Variants in TLN1 observed in about 807,000 individuals in gnomAD.
The protein encoded by TLN1 is talin 1, also known as talin-1.
Under a neutral mutation model 292.3 loss-of-function variants are expected in TLN1, and 56 were observed. The observed-to-expected ratio is 0.19, with a 90% CI of 0.15 to 0.24. TLN1 has a LOEUF of 0.24. TLN1 is among the 10% of genes least tolerant of loss of function. The pLI is 1.00. For missense variants in TLN1, 2,433 were observed against 3,248.2 expected, an observed-to-expected ratio of 0.75 and a Z score of 6.10; for synonymous variants, 1,119 against 1,253.7, an observed-to-expected ratio of 0.89 and a Z score of 2.27.
chr9:35,711,223 G>A, intron 30 of TLN1, 32 bp downstream of exon 30: 1 of 1,613,820 alleles, frequency 6.2e-7, no homozygotes, highest in Non-Finnish European at 8.5e-7. Context: ...CTCTCACACA[G>A]TCCAGGGCTG....
chr9:35,724,791 T>C lies in TLN1; in HGVS notation c.358+39A>G, dbSNP rs371431195. The C allele has an allele frequency of 3.7e-6, 6 of 1,613,596 alleles. No individual in the cohort carries two copies. In the African/African-American group the frequency reaches 6.7e-5, roughly 18 times the overall value. On this transcript the variant is annotated intron_variant, in intron 4 of 56. Coordinates refer to ENST00000314888, the MANE Select transcript of TLN1 (RefSeq NM_006289.4). This position sits in a 1 kb window ranked among gnomAD's most constrained non-coding sequence, Gnocchi z 4.7. Reference sequence around the variant, plus strand: ...CCATGCCTTTTGAGAGAGTTGAGGCTTTCTGGCCCAGGCTTTCAACTGTAC... The same window carrying C: ...CCATGCCTTTTGAGAGAGTTGAGGCCTTCTGGCCCAGGCTTTCAACTGTAC...
At chr9:35,725,529 G>A in intron 2 of TLN1, 36 bp downstream of exon 2, 1 of 1,604,408 alleles carries the variant, frequency 6.2e-7, no homozygotes, top group Non-Finnish European at 8.5e-7. Flanking sequence ...AGGGACTGAA[G>A]ACTCCCACTC....
intron 33 of TLN1, among the ~76,000 whole-genome samples, chr9:35,709,244 G>A (rs1825617770): frequency 6.6e-6 from 1 of 151,938 alleles, no homozygotes. Context: ...GCAGTGAGCC[G>A]AGATTATGCC....
intron 1 of TLN1, among the ~76,000 whole-genome samples, chr9:35,730,435 G>A (rs924835155): frequency 1.3e-5 from 2 of 151,950 alleles, no homozygotes; most frequent in African/African-American, 2.4e-5. Context: ...GGGGAGTGGG[G>A]GAAGGGGATC....
chr9:35,713,863 A>T (rs1398190675), intron 25 of TLN1, 90 bp downstream of exon 25: 57 of 1,375,132 alleles, frequency 4.1e-5, no homozygotes, highest in Non-Finnish European at 5.5e-5. Context: ...AAGAAAAAGG[A>T]AGGAAGGAAA....
In TLN1 at chr9:35,704,533, G is replaced by T. The variant is rs753533487; in HGVS notation, c.5881-35C>A. 1.9e-6 allele frequency: 3 copies of T among 1,586,972 alleles called. No homozygotes were observed. Among genetic ancestry groups the T allele is most frequent in the African/African-American group, 2.7e-5 (2 of 74,644 alleles). On this transcript the variant is annotated intron_variant, in intron 44 of 56. Transcript: ENST00000314888. This position sits in a 1 kb window ranked among gnomAD's most constrained non-coding sequence, Gnocchi z 6.9. ...GAATGTCACATGGTGACTGTGGAAG[G>T]TGCCATGTGAAATGGAAAGGTTGCC...
chr9:35,714,705 A>T lies in TLN1; in HGVS notation c.2872-18T>A. On this transcript the variant is annotated intron_variant, in intron 22 of 56. Coordinates refer to ENST00000314888, the MANE Select transcript of TLN1 (RefSeq NM_006289.4). The surrounding 1 kb of genome is among the most constrained non-coding windows in gnomAD (Gnocchi z 4.6). ...GCCACTGCCTGTAGGTGAAAATGTC[A>T]TAAGAGACCCACAAGTCTCCCTCTT... The T allele has an allele frequency of 1.2e-6, 2 of 1,613,644 alleles. No homozygotes were observed. Among genetic ancestry groups the T allele is most frequent in the Non-Finnish European group, 1.7e-6 (2 of 1,179,656 alleles).
At chr9:35,726,998 T>C (rs1007234221) in intron 1 of TLN1, among the ~76,000 whole-genome samples, 21 of 152,300 alleles carry the variant, frequency 1.4e-4, no homozygotes, top group Admixed American at 6.5e-5. Flanking sequence ...CCTGACTGTA[T>C]TTTCAGTGCA....
Position 35,699,488 on chromosome 9 carries a change from A to G in TLN1, c.6769-27T>C. 6.2e-7 allele frequency: 1 copy of G among 1,600,960 alleles called. No individual in the cohort carries two copies. Among genetic ancestry groups the G allele is most frequent in the Non-Finnish European group, 8.5e-7 (1 of 1,172,988 alleles). ...TGGGCAAGAAGCGGGCAGGGGACAA[A>G]GAGCATCACATCTTAGGGTCTACCC... On this transcript the variant is annotated intron_variant, in intron 50 of 56. Coordinates refer to ENST00000314888, the MANE Select transcript of TLN1 (RefSeq NM_006289.4). The surrounding 1 kb of genome is among the most constrained non-coding windows in gnomAD (Gnocchi z 4.0).
intron 10 of TLN1, 147 bp from the exon 11 acceptor site, chr9:35,721,060 C>T: frequency 1.7e-6 from 1 of 597,084 alleles, no homozygotes; most frequent in Non-Finnish European, 3.0e-6. Flanking sequence ...CTTGAACCTC[C>T]TCTTTATTTT....
Position 35,725,136 on chromosome 9 carries a change from C to T in TLN1, c.228+88G>A, listed in dbSNP as rs886180657. The T allele has an allele frequency of 2.6e-6, 4 of 1,546,280 alleles. No individual in the cohort carries two copies. The African/African-American group carries it at 4.1e-5, about 16-fold the overall frequency. Reference sequence around the variant, plus strand: ...AGAAAGCATGGGGAGGGCTAAGAGACAACAGATGTGGGTGCTGAAAACAGG... The same window carrying T: ...AGAAAGCATGGGGAGGGCTAAGAGATAACAGATGTGGGTGCTGAAAACAGG... On this transcript the variant is annotated intron_variant, in intron 3 of 56. Transcript: ENST00000314888.
chr9:35,718,666 G>C, intron 17 of TLN1, 146 bp downstream of exon 17: 1 of 664,422 alleles, frequency 1.5e-6, no homozygotes, highest in South Asian at 1.9e-5. Flanking sequence ...AGAGAGATCA[G>C]AAGTTACTAG....
At position 35,710,495 on chromosome 9, in the gene TLN1, C is replaced by A. The variant is rs568176651; in HGVS notation, c.4326+66G>T. The A allele has an allele frequency of 4.1e-5, 65 of 1,570,522 alleles. No homozygotes were observed. In the Admixed American group the frequency reaches 4.6e-4, roughly 11 times the overall value. On this transcript the variant is annotated intron_variant, in intron 33 of 56. Coordinates refer to ENST00000314888, the MANE Select transcript of TLN1 (RefSeq NM_006289.4). ...CTTCTTGATTTATCTACAGGTATGT[C>A]AGGCTGAGAGAAAATGGGGTAAAGA...
In TLN1 at chr9:35,724,168, A is replaced by G; in HGVS notation, c.654+24T>C. Reference sequence around the variant, plus strand: ...TCCGAGCCCTCCCTATTCCTGCCCCACCCCAGCCAAGTCCTCTGCATACCT... The same window carrying G: ...TCCGAGCCCTCCCTATTCCTGCCCCGCCCCAGCCAAGTCCTCTGCATACCT... On this transcript the variant is annotated intron_variant, in intron 6 of 56. Coordinates refer to ENST00000314888, the MANE Select transcript of TLN1 (RefSeq NM_006289.4). The surrounding 1 kb of genome is among the most constrained non-coding windows in gnomAD (Gnocchi z 4.7). 6.2e-7 allele frequency: 1 copy of G among 1,613,880 alleles called. No homozygotes were observed. Among genetic ancestry groups the G allele is most frequent in the Non-Finnish European group, 8.5e-7 (1 of 1,179,898 alleles).
In TLN1 at chr9:35,704,164, G is replaced by C; in HGVS notation, c.6058C>G (p.Leu2020Val). ...ETFADHREGI[L>V]KTAKVLVEDT... ...TCCACCAGCACCTTCGCAGTCTTCA[G>C]GATGCCCTCCCTGAGGGAGGGCCCA... The change falls in exon 46 of 57, where the codon CTG becomes GTG. Residue 2020 changes from leucine to valine, a missense_variant. By Grantham distance (32) the Leu-to-Val change is conservative (BLOSUM62 1). Transcript: ENST00000314888. This position sits in a 1 kb window ranked among gnomAD's most constrained non-coding sequence, Gnocchi z 6.9. 6.3e-7 allele frequency: 1 copy of C among 1,595,870 alleles called. No individual in the cohort carries two copies. Among genetic ancestry groups the C allele is most frequent in the South Asian group, 1.1e-5 (1 of 88,818 alleles).
chr9:35,725,778 G>C, intron 1 of TLN1, 51 bp from the exon 2 acceptor site: 1 of 1,537,390 alleles, frequency 6.5e-7, no homozygotes, highest in Non-Finnish European at 8.9e-7. Context: ...TGGGAGAAGA[G>C]GCCCCCCAGA....
chr9:35,711,951 G>A (rs549047856), intron 28 of TLN1, 54 bp downstream of exon 28: 98 of 1,603,674 alleles, frequency 6.1e-5, no homozygotes, highest in Non-Finnish European at 8.0e-5. Flanking sequence ...GGAGGAAGGA[G>A]AGGCCTGGCA....
Position 35,706,001 on chromosome 9 carries a change from C to T in TLN1, c.5472G>A (p.Val1824=). The T allele has an allele frequency of 6.2e-7, 1 of 1,614,240 alleles. No individual in the cohort carries two copies. Among genetic ancestry groups the T allele is most frequent in the Non-Finnish European group, 8.5e-7 (1 of 1,180,042 alleles). The change falls in exon 41 of 57, where the codon GTG becomes GTA. Residue 1824 remains valine (V), a synonymous_variant. Coordinates refer to ENST00000314888, the MANE Select transcript of TLN1 (RefSeq NM_006289.4). This position sits in a 1 kb window ranked among gnomAD's most constrained non-coding sequence, Gnocchi z 4.2. ...LNEAASAAGV[V]GGMVDSITQA... ...GGGTGATGGAGTCCACCATGCCACC[C>T]ACGACCCCAGCAGCACTGGCTGCCT... is the stretch of plus-strand genomic sequence containing the variant.
chr9:35,723,367 T>C (rs1366814027), intron 7 of TLN1: 1 of 200,510 alleles, frequency 5.0e-6, no homozygotes, highest in East Asian at 1.5e-4. Context: ...CCTCCCAAAG[T>C]GCTGGGATTA....
Sources: allele counts gnomAD v4.1 joint callset (sites outside exome capture counted in the v4.1 genomes callset), GRCh38; gene constraint gnomAD v4.1.1; non-coding constraint Gnocchi (gnomAD v3.1); transcripts MANE v1.5; gene names NCBI Gene and HGNC (gene_info 2026-07-23, HGNC 2026-07-21).